Variants in TEX48 observed in about 807,000 individuals in gnomAD.
TEX48 encodes testis expressed 48.
TEX48 carries 10 observed loss-of-function variants against 13.2 expected under a neutral mutation model. The ratio of observed to expected loss-of-function variants is 0.75; its 90% CI spans 0.47 to 1.28. The LOEUF (loss-of-function observed/expected upper bound fraction) is 1.28, where lower values mean the gene tolerates loss of function less well. Ranked by LOEUF, TEX48 falls within the 50% of genes most tolerant of loss-of-function variation. The pLI, the probability that TEX48 is intolerant of heterozygous loss-of-function variation, is 0.00. For missense variants in TEX48, 116 were observed against 139.4 expected, an observed-to-expected ratio of 0.83 and a Z score of 0.84; for synonymous variants, 45 against 52.3, an observed-to-expected ratio of 0.86 and a Z score of 0.60.
chr9:114,671,620 A>G, intron 2 of TEX48, 100 bp downstream of exon 2: 21 of 1,528,112 alleles, frequency 1.4e-5, no homozygotes, highest in Non-Finnish European at 1.8e-5. Flanking sequence ...AGGCATTAAT[A>G]TAATACTCCT....
intron 1 of TEX48, among the ~76,000 whole-genome samples, chr9:114,674,299 C>A (rs1424768214): frequency 6.6e-6 from 1 of 152,124 alleles, no homozygotes; most frequent in Non-Finnish European, 1.5e-5. Flanking sequence ...TTTGCCCCCC[C>A]TGCTGAGTTT....
intron 3 of TEX48, among the ~76,000 whole-genome samples, chr9:114,670,727 A>G (rs941377588): frequency 1.3e-5 from 2 of 152,072 alleles, no homozygotes; most frequent in Admixed American, 6.6e-5. Context: ...CAAGAAATAC[A>G]TTTTTATTTT....
At chr9:114,678,386 C>G (rs1828116376) in intron 1 of TEX48, among the ~76,000 whole-genome samples, 7 of 152,114 alleles carry the variant, frequency 4.6e-5, no homozygotes, top group Admixed American at 3.9e-4. Flanking sequence ...GAAGGTAGAT[C>G]AAGAGAGGCC....
chr9:114,671,544 A>G (rs149017439), intron 2 of TEX48, 39 bp from the exon 3 acceptor site: 1 of 1,534,450 alleles, frequency 6.5e-7, no homozygotes, highest in African/African-American at 1.4e-5. Context: ...GGGTTCCGGA[A>G]TCTGAATTCC....
At chr9:114,674,241 A>G (rs1329060281) in intron 1 of TEX48, among the ~76,000 whole-genome samples, 1 of 151,984 alleles carries the variant, frequency 6.6e-6, no homozygotes, top group African/African-American at 2.4e-5. Context: ...TCCACCCACA[A>G]CCCTCATCAC....
chr9:114,675,389 A>G (rs990278079), intron 1 of TEX48, among the ~76,000 whole-genome samples: 1 of 152,140 alleles, frequency 6.6e-6, no homozygotes, highest in Non-Finnish European at 1.5e-5. Context: ...ACTGCAAAGC[A>G]TATCTATCTT....
At chr9:114,670,173 C>T (rs1827918964) in intron 3 of TEX48, among the ~76,000 whole-genome samples, 1 of 152,184 alleles carries the variant, frequency 6.6e-6, no homozygotes, top group African/African-American at 2.4e-5. Context: ...GAAATATACA[C>T]TCTGAAACAG....
intron 3 of TEX48, among the ~76,000 whole-genome samples, chr9:114,669,090 C>T (rs1827894974): frequency 6.6e-6 from 1 of 152,110 alleles, no homozygotes; most frequent in Admixed American, 6.5e-5. Flanking sequence ...ATCCTTTAGC[C>T]TCAGCCTCCC....
intron 1 of TEX48, among the ~76,000 whole-genome samples, chr9:114,679,796 C>G (rs924051789): frequency 3.9e-5 from 6 of 152,074 alleles, no homozygotes; most frequent in Non-Finnish European, 7.4e-5. Context: ...TTTAAAGTGC[C>G]TTTTTTCCCC....
chr9:114,671,737 A>G lies in TEX48; in HGVS notation c.-14T>C, dbSNP rs1406290610. 12 of 1,535,524 alleles carry G rather than the reference A, an allele frequency of 7.8e-6. No individual in the cohort carries two copies. The highest frequency in any genetic ancestry group is 1.4e-5 in the African/African-American group (1 of 73,038). On this transcript the variant is annotated 5_prime_UTR_variant, in exon 2 of 5. Coordinates refer to ENST00000436752, the MANE Select transcript of TEX48 (RefSeq NM_001199233.2). ...TTTCTTACCCATGGAAAGGAGTTGA[A>G]ACTTCTACTCTGCCAGCTTTGTCTG...
Position 114,666,510 on chromosome 9 carries a change from T to C in TEX48, c.*133A>G. On this transcript the variant is annotated 3_prime_UTR_variant, in exon 5 of 5. Transcript: ENST00000436752. The stretch of plus-strand genomic sequence containing the variant: ...TTTAGGAGCTGGAGTGACTCTTGCT[T>C]GGTGGCACAAGGATGGCTCAGATGT... 1.7e-6 allele frequency: 1 copy of C among 575,720 alleles called. No homozygotes were observed. Among genetic ancestry groups the C allele is most frequent in the Non-Finnish European group, 3.0e-6 (1 of 332,732 alleles). 35.7% of individuals were successfully genotyped at this position (575,720 alleles called of 1,614,324 possible). A position where few individuals can be genotyped will look rare whatever the true frequency, so the allele number is the denominator to read the frequency against.
rs1196400826 is a variant in TEX48 at position 114,682,014 on chromosome 9, TAA to T, written c.-105+19_-105+20del. 6.6e-6 allele frequency: 1 copy of T among 152,268 alleles called. No homozygotes were observed. Among genetic ancestry groups the T allele is most frequent in the African/African-American group, 2.4e-5 (1 of 41,428 alleles). The allele number at this position is 152,268 out of a possible 1,614,324, so 9.4% of individuals were successfully genotyped here. A position where few individuals can be genotyped will look rare whatever the true frequency, so the allele number is the denominator to read the frequency against. ...AATTATCACCTCCCGCCCTTTGGTT[TAA>T]ACTGTGAGCCCCACTCACCTGCAGC... On this transcript the variant is annotated intron_variant, in intron 1 of 4. Coordinates refer to ENST00000436752, the MANE Select transcript of TEX48 (RefSeq NM_001199233.2).
Position 114,666,606 on chromosome 9 carries a change from G to T in TEX48, c.*37C>A. 6 of 1,224,086 alleles carry T rather than the reference G, an allele frequency of 4.9e-6. No homozygotes were observed. The highest frequency in any genetic ancestry group is 6.8e-6 in the Non-Finnish European group (6 of 881,144). 75.8% of individuals were successfully genotyped at this position (1,224,086 alleles called of 1,614,324 possible). A position where few individuals can be genotyped will look rare whatever the true frequency, so the allele number is the denominator to read the frequency against. On this transcript the variant is annotated 3_prime_UTR_variant, in exon 5 of 5. Transcript: ENST00000436752. ...TGTCCACCGCCCTCTTCCTCATGGA[G>T]ATGCCCCAGCAGCTGTGCAGCCGCC...
At chr9:114,670,010 C>G (rs1160120815) in intron 3 of TEX48, among the ~76,000 whole-genome samples, 1 of 152,218 alleles carries the variant, frequency 6.6e-6, no homozygotes, top group East Asian at 1.9e-4. Flanking sequence ...ATAGGCAGCT[C>G]TGTCATTTAT....
intron 1 of TEX48, among the ~76,000 whole-genome samples, chr9:114,674,583 T>TC (rs1828017447): frequency 2.9e-5 from 2 of 68,626 alleles, no homozygotes; most frequent in African/African-American, 2.8e-4. Flanking sequence ...TCTTTCTTTT[T>TC]TTCTCTTTTC....
At chr9:114,676,355 G>A (rs77545749) in intron 1 of TEX48, among the ~76,000 whole-genome samples, 11,212 of 151,952 alleles carry the variant, frequency 0.074, 550 homozygotes, top group Non-Finnish European at 0.098. Flanking sequence ...TGTTTTGGTA[G>A]AGATGGGATT....
chr9:114,677,365 C>T (rs1208390961), intron 1 of TEX48, among the ~76,000 whole-genome samples: 1 of 151,450 alleles, frequency 6.6e-6, no homozygotes. Context: ...ATTTCATTTT[C>T]CTATAATTTA....
intron 4 of TEX48, 56 bp from the exon 5 acceptor site, chr9:114,666,802 A>G (rs1827849906): frequency 1.1e-6 from 1 of 899,624 alleles, no homozygotes; most frequent in Admixed American, 2.2e-5. Flanking sequence ...TTGGGCTTTG[A>G]TGAACTGTTT....
rs536240042 is a variant in TEX48, at chr9:114,678,989, T to A, written c.-105+3046A>T. Among the ~76,000 whole-genome samples, 29 of 152,060 alleles carry A rather than the reference T, an allele frequency of 1.9e-4. No individual in the cohort carries two copies. In the South Asian group the frequency reaches 5.8e-3, roughly 31 times the overall value. ...GAGAGGGTAAGAAAAATAGGAAGTA[T>A]GCCACATGAAACTATTTTAAAAGAT... On this transcript the variant is annotated intron_variant, in intron 1 of 4. Coordinates refer to ENST00000436752, the MANE Select transcript of TEX48 (RefSeq NM_001199233.2).
Sources: allele counts gnomAD v4.1 joint callset (sites outside exome capture counted in the v4.1 genomes callset), GRCh38; gene constraint gnomAD v4.1.1; transcripts MANE v1.5; gene names NCBI Gene and HGNC (gene_info 2026-07-23, HGNC 2026-07-21).